Variants in SUPT5H observed in about 807,000 individuals in gnomAD.
The protein encoded by SUPT5H is transcription elongation factor SPT5.
A neutral mutation model predicts 142.5 loss-of-function variants in SUPT5H; 24 were observed. That is an observed-to-expected ratio of 0.17 (90% CI 0.12 to 0.24). The LOEUF (loss-of-function observed/expected upper bound fraction) is 0.24, where lower values mean the gene tolerates loss of function less well. SUPT5H is among the 10% of genes least tolerant of loss of function. The probability of loss-of-function intolerance (pLI) is 1.00; values close to 1 mark genes in which losing one functional copy is unlikely to be tolerated. For missense variants in SUPT5H, 893 were observed against 1,471.8 expected, an observed-to-expected ratio of 0.61 and a Z score of 6.43; for synonymous variants, 546 against 553.0, an observed-to-expected ratio of 0.99 and a Z score of 0.18.
chr19:39,456,692 AC>A lies in SUPT5H; in HGVS notation c.242-982del, dbSNP rs2079095562. Among the ~76,000 whole-genome samples the A allele has an allele frequency of 2.6e-5, 4 of 152,194 alleles. No individual in the cohort carries two copies. In the South Asian group the frequency reaches 8.3e-4, roughly 32 times the overall value. ...CTCGGCCTCCCAAAGTGCTGGGATT[AC>A]AGGCATGAGCCACCGTGCCCAACCC... On this transcript the variant is annotated intron_variant, in intron 3 of 29. Coordinates refer to ENST00000432763, the MANE Select transcript of SUPT5H (RefSeq NM_001111020.3).
In SUPT5H at chr19:39,455,925, C is replaced by CT. The variant is rs34762912; in HGVS notation, c.242-1727dup. ...CGTGAACCACTGCGCCCCGCCTCTT[C>CT]TTTTTTTTTTTTTTTTTTTTTTTAA... On this transcript the variant is annotated intron_variant, in intron 3 of 29. Transcript: ENST00000432763. 5.0e-3 allele frequency among the ~76,000 whole-genome samples: 459 copies of CT among 91,142 alleles called. 3 individuals are homozygous for CT. The highest frequency in any genetic ancestry group is 0.013 in the African/African-American group (279 of 21,234). 59.8% of individuals were successfully genotyped at this position (91,142 alleles called of 152,430 possible).
intron 2 of SUPT5H, among the ~76,000 whole-genome samples, chr19:39,449,256 G>A (rs1248758435): frequency 6.6e-6 from 1 of 151,984 alleles, no homozygotes; most frequent in African/African-American, 2.4e-5. Flanking sequence ...GGTGAGCAGA[G>A]AGTGGTGGGG....
At position 39,470,327 on chromosome 19, in the gene SUPT5H, G is replaced by C. The variant is rs375219445; in HGVS notation, c.1531-50G>C. 19 of 1,542,372 alleles carry C rather than the reference G, an allele frequency of 1.2e-5. No individual in the cohort carries two copies. In the African/African-American group the frequency reaches 1.6e-4, roughly 13 times the overall value. On this transcript the variant is annotated intron_variant, in intron 17 of 29. Coordinates refer to ENST00000432763, the MANE Select transcript of SUPT5H (RefSeq NM_001111020.3). This position sits in a 1 kb window ranked among gnomAD's most constrained non-coding sequence, Gnocchi z 5.8. The stretch of plus-strand genomic sequence containing the variant: ...GTGCACGTGCCAAGAGGAGACCCAG[G>C]TAGGCGAGCCACCTGGACTGGGCCT...
At position 39,459,083 on chromosome 19, in the gene SUPT5H, T is replaced by TGGTGGGGGCA. The variant is rs764109570; in HGVS notation, c.458+23_458+32dup. The TGGTGGGGGCA allele has an allele frequency of 6.2e-6, 10 of 1,611,706 alleles. No individual in the cohort carries two copies. Among genetic ancestry groups the TGGTGGGGGCA allele is most frequent in the South Asian group, 2.2e-5 (2 of 90,964 alleles). On this transcript the variant is annotated intron_variant, in intron 7 of 29. Transcript: ENST00000432763. ...CATCTGTGGGAGAGACGTAAGGGCA[T>TGGTGGGGGCA]GGTGGGGGCAGGTGGGGGCAGGGAG...
At position 39,466,272 on chromosome 19, in the gene SUPT5H, G is replaced by A. The variant is rs572956268; in HGVS notation, c.877-208G>A. Among the ~76,000 whole-genome samples, 15 of 152,302 alleles carry A rather than the reference G, an allele frequency of 9.8e-5. No homozygotes were observed. The highest frequency in any genetic ancestry group is 3.6e-4 in the African/African-American group (15 of 41,566). ...GATTTGAGGGACCTTTAGACATCCA[G>A]GTGGAGATACCAAGCAGGCAGTGGC... On this transcript the variant is annotated intron_variant, in intron 11 of 29. Coordinates refer to ENST00000432763, the MANE Select transcript of SUPT5H (RefSeq NM_001111020.3). This position sits in a 1 kb window ranked among gnomAD's most constrained non-coding sequence, Gnocchi z 4.3.
chr19:39,457,907 T>C (rs765241593), intron 4 of SUPT5H, 167 bp downstream of exon 4: 3 of 1,301,236 alleles, frequency 2.3e-6, no homozygotes, highest in South Asian at 1.3e-5. Context: ...GCTTTTTCCT[T>C]TTAGGCCCAT....
At chr19:39,457,970 A>G in intron 4 of SUPT5H, 1 of 846,910 alleles carries the variant, frequency 1.2e-6, no homozygotes, top group Non-Finnish European at 1.9e-6. Context: ...GGACTCTGGG[A>G]TCCCAGGGCC....
At chr19:39,459,989 G>A (rs1241204221) in intron 10 of SUPT5H, 29 bp downstream of exon 10, 2 of 1,611,728 alleles carry the variant, frequency 1.2e-6, no homozygotes, top group South Asian at 2.2e-5. Flanking sequence ...CGGCTTGGTG[G>A]GGAGACATGG....
Position 39,474,830 on chromosome 19 carries a change from T to G in SUPT5H, c.3024+112T>G, listed in dbSNP as rs912852586. 4.0e-6 allele frequency: 5 copies of G among 1,243,774 alleles called. No homozygotes were observed. The highest frequency in any genetic ancestry group is 5.6e-6 in the Non-Finnish European group (5 of 888,466). The allele number at this position is 1,243,774 out of a possible 1,614,324, so 77.0% of individuals were successfully genotyped here. A position where few individuals can be genotyped will look rare whatever the true frequency, so the allele number is the denominator to read the frequency against. On this transcript the variant is annotated intron_variant, in intron 28 of 29. Coordinates refer to ENST00000432763, the MANE Select transcript of SUPT5H (RefSeq NM_001111020.3). The surrounding 1 kb of genome is among the most constrained non-coding windows in gnomAD (Gnocchi z 6.5). ...CAGCCCAGAGTGGGCAGAGCTGGGA[T>G]TGAGGAAGCCTAGAGGGCAAGGGGA...
chr19:39,471,689 G>T lies in SUPT5H; in HGVS notation c.1909G>T (p.Val637Phe). 6.2e-7 allele frequency: 1 copy of T among 1,614,206 alleles called. No homozygotes were observed. The highest frequency in any genetic ancestry group is 1.1e-5 in the South Asian group (1 of 91,088). The change falls in exon 20 of 30, where the codon GTC becomes TTC. Residue 637 changes from valine to phenylalanine, a missense_variant. By Grantham distance (50) the Val-to-Phe change is conservative. Around this residue, in one of 6 missense-constraint regions of SUPT5H, gnomAD observed 428 missense variants for 763.5 expected, o/e 0.56. Transcript: ENST00000432763. ...KKLVENGGMF[V>F]CKTRHLVLAG... Reference sequence around the variant, plus strand: ...ACTGGTGGAGAACGGGGGCATGTTTGTCTGCAAGACCCGCCACCTGGTGCT... The same window carrying T: ...ACTGGTGGAGAACGGGGGCATGTTTTTCTGCAAGACCCGCCACCTGGTGCT...
intron 10 of SUPT5H, among the ~76,000 whole-genome samples, chr19:39,462,354 CCTCCT>C (rs1286533136): frequency 6.6e-6 from 1 of 152,132 alleles, no homozygotes; most frequent in East Asian, 1.9e-4. Flanking sequence ...CCCATTCCTC[CCTCCT>C]CACAGCTCCT....
Position 39,474,613 on chromosome 19 carries a change from G to A in SUPT5H, c.2919G>A (p.Glu973=). The change falls in exon 28 of 30, where the codon GAG becomes GAA. Residue 973 remains glutamate (E), a synonymous_variant. Coordinates refer to ENST00000432763, the MANE Select transcript of SUPT5H (RefSeq NM_001111020.3). The surrounding 1 kb of genome is among the most constrained non-coding windows in gnomAD (Gnocchi z 6.5). The part of the protein sequence containing the change: ...YNPHTPGSGI[E]QNSSDWVTTD... ...CACACACGCCAGGCTCAGGCATCGA[G>A]CAGAACTCCAGCGACTGGGTAACCA... 4 of 1,614,240 alleles carry A rather than the reference G, an allele frequency of 2.5e-6. No individual in the cohort carries two copies. Among genetic ancestry groups the A allele is most frequent in the Non-Finnish European group, 3.4e-6 (4 of 1,180,048 alleles).
At chr19:39,445,986 G>A (rs1048025436) in intron 2 of SUPT5H, 21 bp downstream of exon 2, 2 of 1,607,360 alleles carry the variant, frequency 1.2e-6, no homozygotes, top group Non-Finnish European at 1.7e-6. Flanking sequence ...GGGGCGCTGG[G>A]GGAGACATTG....
chr19:39,453,008 GTC>G (rs1414883858), intron 2 of SUPT5H, among the ~76,000 whole-genome samples: 2 of 93,370 alleles, frequency 2.1e-5, no homozygotes, highest in Admixed American at 1.1e-4. Context: ...GTGGGACTCT[GTC>G]TCAAAAAAAA....
rs935158284 is a variant in SUPT5H at position 39,454,364 on chromosome 19, T to C, written c.241+843T>C. On this transcript the variant is annotated intron_variant, in intron 3 of 29. Transcript: ENST00000432763. The stretch of plus-strand genomic sequence containing the variant: ...ATTTTGTTGTTGTCGTTGTTTTTTT[T>C]TTTTTTTTTGAGACGGAGTCTCGCT... Among the ~76,000 whole-genome samples, 78 of 151,860 alleles carry C rather than the reference T, an allele frequency of 5.1e-4. 1 individual carries two copies. Among genetic ancestry groups the C allele is most frequent in the African/African-American group, 1.8e-3 (74 of 41,494 alleles).
intron 14 of SUPT5H, 109 bp downstream of exon 14, chr19:39,468,970 G>A: frequency 4.5e-6 from 7 of 1,553,834 alleles, no homozygotes; most frequent in South Asian, 2.2e-5. Context: ...CAAGTTAGGA[G>A]TGTTCCCTAG....
In SUPT5H at chr19:39,469,652, T is replaced by C. The variant is rs1391293366; in HGVS notation, c.1374+254T>C. On this transcript the variant is annotated intron_variant, in intron 16 of 29. Transcript: ENST00000432763. This position sits in a 1 kb window ranked among gnomAD's most constrained non-coding sequence, Gnocchi z 5.1. ...TTTTGTTTCTGAAAAGCAAGATATCTGGGTAGTACTGGGTTGAGAGTGTGA... is the reference window on the plus strand; with the variant it reads ...TTTTGTTTCTGAAAAGCAAGATATCCGGGTAGTACTGGGTTGAGAGTGTGA... 1.7e-6 allele frequency: 1 copy of C among 572,910 alleles called. No individual in the cohort carries two copies. Among genetic ancestry groups the C allele is most frequent in the Non-Finnish European group, 3.1e-6 (1 of 320,200 alleles). 35.5% of individuals were successfully genotyped at this position (572,910 alleles called of 1,614,324 possible).
chr19:39,472,361 G>A lies in SUPT5H; in HGVS notation c.1951-48G>A, dbSNP rs1164231122. On this transcript the variant is annotated intron_variant, in intron 20 of 29. Transcript: ENST00000432763. The surrounding 1 kb of genome is among the most constrained non-coding windows in gnomAD (Gnocchi z 4.2). Reference sequence around the variant, plus strand: ...GGGATGATGAGTTCCTGTGGTTTGTGGTTCCCCCATCCCCTGCCTGCCAGT... The same window carrying A: ...GGGATGATGAGTTCCTGTGGTTTGTAGTTCCCCCATCCCCTGCCTGCCAGT... 1 of 1,584,008 alleles carries A rather than the reference G, an allele frequency of 6.3e-7. No individual in the cohort carries two copies. Among genetic ancestry groups the A allele is most frequent in the East Asian group, 2.2e-5 (1 of 44,676 alleles).
At chr19:39,475,925 GC>G in intron 28 of SUPT5H, 155 bp from the exon 29 acceptor site, 1 of 653,274 alleles carries the variant, frequency 1.5e-6, no homozygotes, top group East Asian at 2.7e-5. Context: ...TGCACCACAG[GC>G]CCCAGGCCTT....
Sources: gnomAD v4.1 joint callset for allele counts (sites outside exome capture counted in the v4.1 genomes callset) on GRCh38, gnomAD v4.1.1 for gene constraint, gnomAD v4.1.1 regional missense constraint, Gnocchi (gnomAD v3.1) non-coding constraint, MANE v1.5 for transcripts, NCBI Gene and HGNC (gene_info 2026-07-23, HGNC 2026-07-21) for gene names.